GPC5: variants seen among roughly 807,000 people sequenced by gnomAD.
The protein encoded by GPC5 is glypican 5.
In GPC5, 47 loss-of-function variants were observed where a neutral mutation model predicts 53.9. The ratio of observed to expected loss-of-function variants is 0.87; its 90% CI spans 0.69 to 1.11. GPC5 has a LOEUF of 1.11. Among genes scored for constraint, GPC5 ranks in the 50% most tolerant of loss-of-function variants. GPC5 has a pLI of 0.00. For missense variants in GPC5, 748 were observed against 713.1 expected (o/e 1.05, Z -0.56); for synonymous variants, 286 against 263.3 (o/e 1.09, Z -0.84).
chr13:92,099,709 C>T (rs1347606793), intron 6 of GPC5, among the ~76,000 whole-genome samples: 2 of 152,164 alleles, frequency 1.3e-5, no homozygotes, highest in Non-Finnish European at 2.9e-5. Context: ...TTTCCCTTGT[C>T]TTGGACTCAG....
chr13:92,319,869 G>C (rs2043204639), intron 7 of GPC5, among the ~76,000 whole-genome samples: 1 of 152,028 alleles, frequency 6.6e-6, no homozygotes, highest in Admixed American at 6.6e-5. Context: ...AAGTCAACCA[G>C]CTATGAAAAC....
intron 2 of GPC5, among the ~76,000 whole-genome samples, chr13:91,647,568 A>T (rs1291169096): frequency 1.3e-5 from 2 of 152,300 alleles, no homozygotes; most frequent in East Asian, 3.9e-4. Flanking sequence ...GGCATCTGTG[A>T]TGTGGCAGGG....
intron 7 of GPC5, among the ~76,000 whole-genome samples, chr13:92,555,829 AGG>A (rs1882475079): frequency 1.3e-5 from 2 of 150,872 alleles, no homozygotes; most frequent in South Asian, 4.1e-4. Flanking sequence ...CATCTGCTAC[AGG>A]GGTTGCATTC....
intron 2 of GPC5, among the ~76,000 whole-genome samples, chr13:91,603,772 T>C (rs1566545092): frequency 6.6e-6 from 1 of 152,048 alleles, no homozygotes; most frequent in African/African-American, 2.4e-5. Context: ...TATGGACTTA[T>C]CTCTCTTTCT....
intron 2 of GPC5, among the ~76,000 whole-genome samples, chr13:91,653,771 T>C (rs985949501): frequency 1.3e-5 from 2 of 152,194 alleles, no homozygotes; most frequent in Non-Finnish European, 2.9e-5. Flanking sequence ...TCACATCTTA[T>C]ATTAGACTTA....
intron 7 of GPC5, among the ~76,000 whole-genome samples, chr13:92,784,478 T>G (rs1041448010): frequency 7.0e-6 from 1 of 143,720 alleles, no homozygotes; most frequent in Non-Finnish European, 1.5e-5. Context: ...ACAGTCTCCC[T>G]TTTTTTTTTT....
At chr13:92,666,759 G>T (rs557365678) in intron 7 of GPC5, among the ~76,000 whole-genome samples, 2 of 152,314 alleles carry the variant, frequency 1.3e-5, no homozygotes, top group East Asian at 1.9e-4. Context: ...GTGTATAGAA[G>T]AATTACATAT....
intron 7 of GPC5, among the ~76,000 whole-genome samples, chr13:92,577,369 T>C (rs2139048448): frequency 6.6e-6 from 1 of 152,008 alleles, no homozygotes; most frequent in Middle Eastern, 3.4e-3. Flanking sequence ...AAATACTATA[T>C]AGCTAGATAG....
intron 7 of GPC5, among the ~76,000 whole-genome samples, chr13:92,825,374 C>A (rs573616116): frequency 6.6e-6 from 1 of 152,032 alleles, no homozygotes; most frequent in African/African-American, 2.4e-5. Context: ...ACCTATAATG[C>A]GCATGCAATA....
In GPC5 at chr13:91,902,601, C is replaced by A. The variant is rs1446018592; in HGVS notation, c.1281-5336C>A. ...TCCATCCTTTTCATTGTAATGTGAA[C>A]AATATTTCAAGTCAAGAGACTTCTG... On this transcript the variant is annotated intron_variant, in intron 5 of 7. Coordinates refer to ENST00000377067, the MANE Select transcript of GPC5 (RefSeq NM_004466.6). Among the ~76,000 whole-genome samples the A allele has an allele frequency of 8.5e-5, 13 of 152,088 alleles. 2 individuals are homozygous for A. The Middle Eastern group carries it at 0.027, about 318-fold the overall frequency.
At chr13:92,300,186 T>A (rs1222771060) in intron 7 of GPC5, among the ~76,000 whole-genome samples, 2 of 152,178 alleles carry the variant, frequency 1.3e-5, no homozygotes, top group Non-Finnish European at 2.9e-5. Flanking sequence ...CGGAATGTTG[T>A]CGTGAGGGTA....
chr13:92,697,929 C>T (rs901831855), intron 7 of GPC5, among the ~76,000 whole-genome samples: 1 of 152,074 alleles, frequency 6.6e-6, no homozygotes, highest in African/African-American at 2.4e-5. Flanking sequence ...TTGTCTAAGG[C>T]CTTTACTGTA....
chr13:91,459,579 G>A (rs576231627), intron 2 of GPC5, among the ~76,000 whole-genome samples: 61 of 152,058 alleles, frequency 4.0e-4, no homozygotes, highest in African/African-American at 1.3e-3. Flanking sequence ...CTGTAGGAGG[G>A]GCTTCCACAT....
intron 2 of GPC5, among the ~76,000 whole-genome samples, chr13:91,477,297 G>C (rs2139200464): frequency 6.6e-6 from 1 of 152,222 alleles, no homozygotes; most frequent in East Asian, 1.9e-4. Flanking sequence ...ATCTGACAGT[G>C]ATTTTAAAGG....
intron 2 of GPC5, among the ~76,000 whole-genome samples, chr13:91,473,000 T>G (rs1446086138): frequency 6.6e-6 from 1 of 152,168 alleles, no homozygotes; most frequent in African/African-American, 2.4e-5. Flanking sequence ...AGAGGTTTAA[T>G]TGACTCACAG....
rs551677597 is a variant in GPC5 at position 92,073,822 on chromosome 13, A to G, written c.1402-71008A>G. Among the ~76,000 whole-genome samples, 5 of 152,282 alleles carry G rather than the reference A, an allele frequency of 3.3e-5. No homozygotes were observed. In the South Asian group the frequency reaches 1.0e-3, roughly 32 times the overall value. Reference sequence around the variant, plus strand: ...AATCGCATCTTGAATTGTGGTTACCATAATCCCCACGTGTTGTAGGAGGGA... The same window carrying G: ...AATCGCATCTTGAATTGTGGTTACCGTAATCCCCACGTGTTGTAGGAGGGA... On this transcript the variant is annotated intron_variant, in intron 6 of 7. Coordinates refer to ENST00000377067, the MANE Select transcript of GPC5 (RefSeq NM_004466.6).
chr13:91,585,821 T>C (rs2032543569), intron 2 of GPC5, among the ~76,000 whole-genome samples: 2 of 152,162 alleles, frequency 1.3e-5, no homozygotes, highest in Non-Finnish European at 2.9e-5. Flanking sequence ...AGGTTTTCTC[T>C]TTTCATTTTA....
At chr13:91,563,549 A>C (rs1029777993) in intron 2 of GPC5, among the ~76,000 whole-genome samples, 3 of 152,190 alleles carry the variant, frequency 2.0e-5, no homozygotes, top group Non-Finnish European at 4.4e-5. Flanking sequence ...ACTTCACAGA[A>C]GTTTAAGCAG....
chr13:92,064,935 G>A (rs2041156424), intron 6 of GPC5, among the ~76,000 whole-genome samples: 1 of 151,434 alleles, frequency 6.6e-6, no homozygotes, highest in Non-Finnish European at 1.5e-5. Context: ...CAGAGAGCAT[G>A]AAAACAACAA....
Sources: gnomAD v4.1 joint callset for allele counts (sites outside exome capture counted in the v4.1 genomes callset) on GRCh38, gnomAD v4.1.1 for gene constraint, MANE v1.5 for transcripts, NCBI Gene and HGNC (gene_info 2026-07-23, HGNC 2026-07-21) for gene names.